The following ZBTB44 variants were observed in gnomAD, a reference collection of about 807,000 sequenced individuals.
ZBTB44 encodes the protein zinc finger and BTB domain-containing protein 44.
In ZBTB44, 15 loss-of-function variants were observed where a neutral mutation model predicts 54.0. That is an observed-to-expected ratio of 0.28 (90% CI 0.19 to 0.43). The LOEUF is 0.43. Among genes scored for constraint, ZBTB44 ranks in the 20% least tolerant of loss-of-function variants. The probability of loss-of-function intolerance (pLI) is 1.00; values close to 1 mark genes in which losing one functional copy is unlikely to be tolerated. For missense variants in ZBTB44, 487 were observed against 707.1 expected, an observed-to-expected ratio of 0.69 and a Z score of 3.53; for synonymous variants, 230 against 250.1, an observed-to-expected ratio of 0.92 and a Z score of 0.76.
At chr11:130,309,994 C>A (rs1335608929) in intron 1 of ZBTB44, among the ~76,000 whole-genome samples, 1 of 151,702 alleles carries the variant, frequency 6.6e-6, no homozygotes, top group Non-Finnish European at 1.5e-5. Context: ...AGCTACAGTT[C>A]TATTTTTATG....
At chr11:130,268,236 A>AAAAAAAAG (rs1164872557) in intron 1 of ZBTB44, among the ~76,000 whole-genome samples, 1 of 145,322 alleles carries the variant, frequency 6.9e-6, no homozygotes, top group African/African-American at 2.5e-5. Flanking sequence ...AAAAAAAAAA[A>AAAAAAAAG]GCGGGGGGTG....
rs75271006 is a variant in ZBTB44, at chr11:130,297,075, T to C, written c.-57+17300A>G. 2,464 of 636,678 alleles carry C rather than the reference T, an allele frequency of 3.9e-3. 51 individuals are homozygous for C. The African/African-American group carries it at 0.041, about 11-fold the overall frequency. 39.4% of individuals were successfully genotyped at this position (636,678 alleles called of 1,614,324 possible). On this transcript the variant is annotated intron_variant, in intron 1 of 7. Coordinates refer to ENST00000357899, the MANE Select transcript of ZBTB44 (RefSeq NM_001301098.2). Reference sequence around the variant, plus strand: ...TCATTGAAGACATGCCTTTCTTTCATCTTGAATAACTGTTCTAAAATGAAT... The same window carrying C: ...TCATTGAAGACATGCCTTTCTTTCACCTTGAATAACTGTTCTAAAATGAAT...
chr11:130,235,141 C>T (rs1954052837), intron 5 of ZBTB44, among the ~76,000 whole-genome samples: 1 of 152,036 alleles, frequency 6.6e-6, no homozygotes, highest in Non-Finnish European at 1.5e-5. Context: ...AATATATGTA[C>T]TTAGACTTGA....
At chr11:130,311,551 A>G (rs1942606437) in intron 1 of ZBTB44, among the ~76,000 whole-genome samples, 1 of 152,202 alleles carries the variant, frequency 6.6e-6, no homozygotes, top group South Asian at 2.1e-4. Flanking sequence ...CATTTAAGAC[A>G]AGAGACAAAT....
At chr11:130,266,446 T>C (rs192434205) in intron 1 of ZBTB44, among the ~76,000 whole-genome samples, 16 of 152,344 alleles carry the variant, frequency 1.1e-4, no homozygotes, top group Admixed American at 7.8e-4. Context: ...GGGAGTCATT[T>C]TGATTTTCAA....
chr11:130,286,698 A>G (rs545140022), intron 1 of ZBTB44, among the ~76,000 whole-genome samples: 2 of 152,380 alleles, frequency 1.3e-5, no homozygotes, highest in East Asian at 3.9e-4. Context: ...ATCAATGAAT[A>G]TATTAACGTT....
intron 1 of ZBTB44, among the ~76,000 whole-genome samples, chr11:130,307,747 C>T (rs1294355999): frequency 2.6e-5 from 4 of 152,170 alleles, no homozygotes; most frequent in Non-Finnish European, 5.9e-5. Context: ...CTGGAGGAAT[C>T]ACATTACCTG....
intron 1 of ZBTB44, among the ~76,000 whole-genome samples, chr11:130,298,613 C>T (rs761090916): frequency 7.2e-4 from 110 of 151,824 alleles, no homozygotes; most frequent in Non-Finnish European, 7.5e-4. Context: ...CAGGTACGTG[C>T]CACCACGCCT....
chr11:130,234,004 A>G, intron 6 of ZBTB44, 152 bp downstream of exon 6: 2 of 1,495,852 alleles, frequency 1.3e-6, no homozygotes, highest in Non-Finnish European at 1.8e-6. Context: ...CTCAATAGTT[A>G]TAGAAGACAG....
chr11:130,241,866 C>T (rs994597880), intron 2 of ZBTB44, among the ~76,000 whole-genome samples: 1 of 152,178 alleles, frequency 6.6e-6, no homozygotes, highest in South Asian at 2.1e-4. Flanking sequence ...CATGAAAGGT[C>T]TGCCTTCTCT....
chr11:130,280,497 C>G (rs1039733388), intron 1 of ZBTB44, among the ~76,000 whole-genome samples: 1 of 152,178 alleles, frequency 6.6e-6, no homozygotes, highest in Non-Finnish European at 1.5e-5. Flanking sequence ...AGGCCCTAAT[C>G]TTAGAGACTT....
intron 1 of ZBTB44, among the ~76,000 whole-genome samples, chr11:130,301,195 G>T (rs760415617): frequency 6.6e-6 from 1 of 152,162 alleles, no homozygotes. Flanking sequence ...GAGATGGGGA[G>T]AGGAAAGAAA....
rs564347496 is a variant in ZBTB44, at chr11:130,239,757, T to G, written c.1103+55A>C. The G allele has an allele frequency of 2.4e-5, 33 of 1,403,044 alleles. No individual in the cohort carries two copies. In the African/African-American group the frequency reaches 3.7e-4, roughly 16 times the overall value. The allele number at this position is 1,403,044 out of a possible 1,614,324, so 86.9% of individuals were successfully genotyped here. On this transcript the variant is annotated intron_variant, in intron 3 of 7. Transcript: ENST00000357899. ...AACTCTTGAGATGAAATGCTTGAAT[T>G]TGGAGTTGTAAACACAACCCTTAAG...
chr11:130,271,424 C>G (rs1241395063), intron 1 of ZBTB44, among the ~76,000 whole-genome samples: 2 of 152,224 alleles, frequency 1.3e-5, no homozygotes, highest in African/African-American at 4.8e-5. Flanking sequence ...GACCAGATAA[C>G]AAGGAAGCTA....
At position 130,314,371 on chromosome 11, in the gene ZBTB44, T is replaced by C. The variant is rs940597230; in HGVS notation, c.-57+4A>G. The C allele has an allele frequency of 6.5e-6, 1 of 152,894 alleles. No homozygotes were observed. Among genetic ancestry groups the C allele is most frequent in the Admixed American group, 6.5e-5 (1 of 15,270 alleles). The allele number at this position is 152,894 out of a possible 1,614,324, so 9.5% of individuals were successfully genotyped here. A position where few individuals can be genotyped will look rare whatever the true frequency, so the allele number is the denominator to read the frequency against. On this transcript the variant is annotated splice_donor_region_variant and intron_variant, in intron 1 of 7. Transcript: ENST00000357899. ...ACCGGAGCCCGCCCTCCCCTCCCCGTTACCTGCGGGCGGCGGCGCCGGGCC... is the reference window on the plus strand; with the variant it reads ...ACCGGAGCCCGCCCTCCCCTCCCCGCTACCTGCGGGCGGCGGCGCCGGGCC...
At chr11:130,282,214 C>T (rs939810855) in intron 1 of ZBTB44, among the ~76,000 whole-genome samples, 2 of 152,208 alleles carry the variant, frequency 1.3e-5, no homozygotes, top group African/African-American at 4.8e-5. Flanking sequence ...TACATTCACA[C>T]TGTGGTTCAA....
intron 1 of ZBTB44, among the ~76,000 whole-genome samples, chr11:130,282,338 C>G (rs1940594450): frequency 6.6e-6 from 1 of 152,184 alleles, no homozygotes; most frequent in Non-Finnish European, 1.5e-5. Context: ...AGTCACTGTT[C>G]TACTTTCTGT....
intron 5 of ZBTB44, chr11:130,236,177 G>A (rs1327145245): frequency 7.8e-7 from 1 of 1,287,064 alleles, no homozygotes; most frequent in South Asian, 1.2e-5. Context: ...ACAGCAGTTA[G>A]TGGCAGAGCT....
intron 1 of ZBTB44, chr11:130,296,459 C>G: frequency 8.5e-7 from 1 of 1,181,382 alleles, no homozygotes; most frequent in Non-Finnish European, 1.2e-6. Context: ...TCTTCCAGTT[C>G]TGCAACACAG....
Sources: allele counts gnomAD v4.1 joint callset (sites outside exome capture counted in the v4.1 genomes callset), GRCh38; gene constraint gnomAD v4.1.1; transcripts MANE v1.5; gene names NCBI Gene and HGNC (gene_info 2026-07-23, HGNC 2026-07-21).